The following TGFA variants were observed in gnomAD, a reference collection of about 807,000 sequenced individuals.
TGFA encodes transforming growth factor alpha.
In TGFA, 12 loss-of-function variants were observed where a neutral mutation model predicts 21.7. That is an observed-to-expected ratio of 0.55 (90% CI 0.35 to 0.90). The LOEUF (loss-of-function observed/expected upper bound fraction) is 0.90, where lower values mean the gene tolerates loss of function less well. Ranked by LOEUF, TGFA falls within the 40% of genes least tolerant of loss-of-function variation. The pLI is 0.01. For missense variants in TGFA, 178 were observed against 210.8 expected, an observed-to-expected ratio of 0.84 and a Z score of 0.96; for synonymous variants, 79 against 88.1, an observed-to-expected ratio of 0.90 and a Z score of 0.58.
intron 1 of TGFA, among the ~76,000 whole-genome samples, chr2:70,533,897 T>C (rs782475382): frequency 7.9e-5 from 12 of 152,108 alleles, no homozygotes; most frequent in African/African-American, 1.2e-4. Flanking sequence ...GCTCATTCAT[T>C]GCAAAGAAGT....
chr2:70,521,692 G>A (rs1672477683), intron 1 of TGFA, among the ~76,000 whole-genome samples: 2 of 128,598 alleles, frequency 1.6e-5, no homozygotes, highest in South Asian at 2.5e-4. Flanking sequence ...TTGGCTCACT[G>A]CAACCTCTGC....
intron 1 of TGFA, among the ~76,000 whole-genome samples, chr2:70,530,795 G>A (rs948204609): frequency 3.9e-5 from 6 of 152,228 alleles, no homozygotes; most frequent in Non-Finnish European, 8.8e-5. Flanking sequence ...AAGCTCAGAG[G>A]TGAAGGGTCC....
intron 1 of TGFA, among the ~76,000 whole-genome samples, chr2:70,527,098 G>C (rs1672660729): frequency 6.6e-6 from 1 of 152,160 alleles, no homozygotes; most frequent in African/African-American, 2.4e-5. Context: ...GTGCTCCTTG[G>C]TATTTACCCA....
intron 1 of TGFA, among the ~76,000 whole-genome samples, chr2:70,547,761 T>C (rs1261472994): frequency 1.6e-4 from 11 of 67,696 alleles, no homozygotes; most frequent in Admixed American, 6.7e-4. Flanking sequence ...GATAGTATAC[T>C]ATATATGCTA....
At chr2:70,523,787 G>A (rs1477459433) in intron 1 of TGFA, among the ~76,000 whole-genome samples, 2 of 152,130 alleles carry the variant, frequency 1.3e-5, no homozygotes, top group African/African-American at 4.8e-5. Flanking sequence ...CCTACTTCAA[G>A]AGACAAATGA....
At chr2:70,467,031 A>G (rs1265303897) in intron 2 of TGFA, among the ~76,000 whole-genome samples, 1 of 151,594 alleles carries the variant, frequency 6.6e-6, no homozygotes, top group African/African-American at 2.4e-5. Context: ...TTCTCCCCCC[A>G]TACCCTTTTG....
At chr2:70,475,555 TAAG>T (rs1670896032) in intron 2 of TGFA, among the ~76,000 whole-genome samples, 1 of 152,088 alleles carries the variant, frequency 6.6e-6, no homozygotes, top group South Asian at 2.1e-4. Flanking sequence ...AGTTGAGAGT[TAAG>T]AAGTCCTTAT....
intron 1 of TGFA, among the ~76,000 whole-genome samples, chr2:70,548,965 AG>A (rs782642215): frequency 2.0e-5 from 3 of 152,228 alleles, no homozygotes; most frequent in Non-Finnish European, 4.4e-5. Flanking sequence ...CAAAACCAAA[AG>A]CCACCATAAA....
At chr2:70,541,966 C>T (rs923785437) in intron 1 of TGFA, among the ~76,000 whole-genome samples, 2 of 152,256 alleles carry the variant, frequency 1.3e-5, no homozygotes, top group Admixed American at 6.5e-5. Context: ...ATGCGATCCT[C>T]CACTGCAAAA....
At chr2:70,489,978 C>T (rs1379240525) in intron 2 of TGFA, among the ~76,000 whole-genome samples, 1 of 152,162 alleles carries the variant, frequency 6.6e-6, no homozygotes, top group Non-Finnish European at 1.5e-5. Flanking sequence ...AGTACCCATG[C>T]CAGGGCCCAC....
chr2:70,534,106 C>T (rs2103912393), intron 1 of TGFA, among the ~76,000 whole-genome samples: 1 of 152,272 alleles, frequency 6.6e-6, no homozygotes, highest in East Asian at 1.9e-4. Context: ...CAAAGACCAC[C>T]CAAAAATGCT....
At chr2:70,457,905 G>GT (rs1181631189) in intron 3 of TGFA, among the ~76,000 whole-genome samples, 1 of 152,076 alleles carries the variant, frequency 6.6e-6, no homozygotes, top group African/African-American at 2.4e-5. Flanking sequence ...GTTTTGTTTA[G>GT]TTTTGTTTTT....
chr2:70,519,780 A>G (rs1385557294), intron 1 of TGFA, among the ~76,000 whole-genome samples: 1 of 152,246 alleles, frequency 6.6e-6, no homozygotes, highest in Non-Finnish European at 1.5e-5. Flanking sequence ...AATAGCAAAA[A>G]ACAAAGTATT....
intron 5 of TGFA, chr2:70,451,778 G>A (rs979133939): frequency 1.0e-5 from 7 of 701,654 alleles, no homozygotes; most frequent in Admixed American, 2.0e-5. Context: ...GAGATGTTGA[G>A]AGGGGGCTTT....
In TGFA at chr2:70,525,264, G is replaced by C. The variant is rs1298846501; in HGVS notation, c.41-10352C>G. On this transcript the variant is annotated intron_variant, in intron 1 of 5. Coordinates refer to ENST00000295400, the MANE Select transcript of TGFA (RefSeq NM_003236.4). ...CTGCAGAAGGCATTGTGAGGCTTTG[G>C]GTTTGGGCCAATACAAATACCAGTG... Among the ~76,000 whole-genome samples, 4 of 152,262 alleles carry C rather than the reference G, an allele frequency of 2.6e-5. No individual in the cohort carries two copies. In the East Asian group the frequency reaches 7.7e-4, roughly 29 times the overall value.
At chr2:70,489,277 C>A (rs1477960994) in intron 2 of TGFA, among the ~76,000 whole-genome samples, 1 of 152,214 alleles carries the variant, frequency 6.6e-6, no homozygotes, top group African/African-American at 2.4e-5. Flanking sequence ...CTCAGAGGCA[C>A]CCTGGCTTCG....
intron 1 of TGFA, among the ~76,000 whole-genome samples, chr2:70,524,778 G>A (rs1474182171): frequency 6.6e-6 from 1 of 152,314 alleles, no homozygotes; most frequent in Middle Eastern, 3.4e-3. Flanking sequence ...TATCCACAGG[G>A]CCCTGGGCCC....
At chr2:70,473,751 T>A (rs1670844761) in intron 2 of TGFA, among the ~76,000 whole-genome samples, 1 of 152,078 alleles carries the variant, frequency 6.6e-6, no homozygotes. Flanking sequence ...AAACCCAAGA[T>A]CACTATCTTT....
intron 1 of TGFA, among the ~76,000 whole-genome samples, chr2:70,533,132 G>T (rs1322574327): frequency 6.6e-6 from 1 of 152,164 alleles, no homozygotes; most frequent in Non-Finnish European, 1.5e-5. Flanking sequence ...AAAGTGCTGG[G>T]ATTACAGGCG....
Sources: allele counts gnomAD v4.1 joint callset (sites outside exome capture counted in the v4.1 genomes callset), GRCh38; gene constraint gnomAD v4.1.1; transcripts MANE v1.5; gene names NCBI Gene and HGNC (gene_info 2026-07-23, HGNC 2026-07-21).